The following TAF1B variants were observed in gnomAD, a reference collection of about 807,000 sequenced individuals.
TAF1B encodes the protein TATA-box binding protein associated factor, RNA polymerase I subunit B.
A neutral mutation model predicts 83.9 loss-of-function variants in TAF1B; 61 were observed. The observed-to-expected ratio is 0.73, with a 90% CI of 0.59 to 0.90. TAF1B has a LOEUF of 0.90. Ranked by LOEUF, TAF1B falls within the 40% of genes least tolerant of loss-of-function variation. TAF1B has a pLI of 0.00. For synonymous variants in TAF1B, 221 were observed against 224.6 expected (o/e 0.98, Z 0.14); for missense variants, 625 against 677.0 (o/e 0.92, Z 0.85).
At chr2:9,849,586 C>T (rs990733714) in intron 3 of TAF1B, 126 bp downstream of exon 3, 1 of 595,808 alleles carries the variant, frequency 1.7e-6, no homozygotes, top group Non-Finnish European at 2.8e-6. Context: ...TACTGGCATA[C>T]GTTCTTCTAT....
At chr2:9,854,558 C>T in intron 5 of TAF1B, 137 bp downstream of exon 5, 3 of 635,586 alleles carry the variant, frequency 4.7e-6, no homozygotes, top group Non-Finnish European at 8.3e-6. Flanking sequence ...GCTTCTGTTA[C>T]AGTCTAGAGG....
chr2:9,882,226 G>T (rs1182132394), intron 7 of TAF1B, among the ~76,000 whole-genome samples: 1 of 151,886 alleles, frequency 6.6e-6, no homozygotes, highest in African/African-American at 2.4e-5. Context: ...TTAGCCTCCC[G>T]AGTAACTGGG....
intron 9 of TAF1B, among the ~76,000 whole-genome samples, chr2:9,906,191 G>T (rs1013920343): frequency 6.6e-6 from 1 of 152,186 alleles, no homozygotes; most frequent in Non-Finnish European, 1.5e-5. Context: ...GATGCAGCCT[G>T]GTTAATAGCA....
chr2:9,880,952 AACTT>A (rs2125153729), intron 7 of TAF1B, among the ~76,000 whole-genome samples: 1 of 152,314 alleles, frequency 6.6e-6, no homozygotes, highest in South Asian at 2.1e-4. Flanking sequence ...TACTAATAAA[AACTT>A]AGCTGGGGAA....
At chr2:9,843,992 C>T (rs972570901) in intron 1 of TAF1B, among the ~76,000 whole-genome samples, 12 of 152,212 alleles carry the variant, frequency 7.9e-5, no homozygotes, top group South Asian at 6.2e-4. Context: ...TTGCCACTGT[C>T]TCCAGCAGGG....
At chr2:9,893,705 T>C (rs1042892151) in intron 8 of TAF1B, among the ~76,000 whole-genome samples, 7 of 151,914 alleles carry the variant, frequency 4.6e-5, no homozygotes, top group African/African-American at 1.7e-4. Flanking sequence ...TAATCATAAC[T>C]TTAAAAAAAA....
intron 5 of TAF1B, among the ~76,000 whole-genome samples, chr2:9,863,708 C>G (rs1663858754): frequency 1.3e-5 from 2 of 152,198 alleles, no homozygotes; most frequent in South Asian, 4.1e-4. Context: ...TAAAGCACTC[C>G]TTAGCAAATG....
chr2:9,917,888 C>T (rs867325957), intron 12 of TAF1B, among the ~76,000 whole-genome samples: 4 of 151,574 alleles, frequency 2.6e-5, no homozygotes, highest in Non-Finnish European at 5.9e-5. Flanking sequence ...CCGGCTAAAA[C>T]GGTGAAACCC....
intron 5 of TAF1B, among the ~76,000 whole-genome samples, chr2:9,860,731 C>T (rs1455719842): frequency 6.6e-6 from 1 of 152,090 alleles, no homozygotes; most frequent in East Asian, 1.9e-4. Context: ...AAGAAGAGGG[C>T]AGTGATCAGC....
intron 7 of TAF1B, 60 bp from the exon 8 acceptor site, chr2:9,882,646 A>G (rs1030208089): frequency 8.1e-6 from 9 of 1,110,774 alleles, no homozygotes; most frequent in East Asian, 2.6e-5. Flanking sequence ...TTCTTAAAGC[A>G]TTTACTCTGC....
At chr2:9,923,573 G>T (rs570708983) in intron 14 of TAF1B, among the ~76,000 whole-genome samples, 3 of 152,128 alleles carry the variant, frequency 2.0e-5, no homozygotes, top group African/African-American at 7.2e-5. Context: ...CAGCTACTTG[G>T]TAGGCTGAGG....
At chr2:9,845,423 C>G (rs1335237830) in intron 2 of TAF1B, 105 bp downstream of exon 2, 5 of 807,164 alleles carry the variant, frequency 6.2e-6, no homozygotes, top group Non-Finnish European at 1.0e-5. Context: ...TTTTGTCACT[C>G]ATGCAATGCC....
chr2:9,877,085 G>A lies in TAF1B; in HGVS notation c.707+1067G>A, dbSNP rs1189201046. ...CTACAAGCAGATAGCCCATGATTCAGTGAATTTTACTATTAATTTAAAAAC... is the reference window on the plus strand; with the variant it reads ...CTACAAGCAGATAGCCCATGATTCAATGAATTTTACTATTAATTTAAAAAC... On this transcript the variant is annotated intron_variant, in intron 7 of 14. Coordinates refer to ENST00000263663, the MANE Select transcript of TAF1B (RefSeq NM_005680.3). Among the ~76,000 whole-genome samples, 3 of 152,296 alleles carry A rather than the reference G, an allele frequency of 2.0e-5. No individual in the cohort carries two copies. The South Asian group carries it at 6.2e-4, about 32-fold the overall frequency.
rs147156611 is a variant in TAF1B at position 9,919,760 on chromosome 2, G to T, written c.1505G>T (p.Gly502Val). The T allele has an allele frequency of 3.7e-5, 59 of 1,614,138 alleles. No homozygotes were observed. In the African/African-American group the frequency reaches 7.2e-4, roughly 20 times the overall value. Reference protein sequence around the residue: ...HSLQGVLKEKGQSLLTKNSLY... With the variant: ...HSLQGVLKEKVQSLLTKNSLY... ...CTTCAGGGAGTCCTGAAAGAGAAAG[G>T]CCAATCACTGCTGACTAAGAATTCA... Residue 502 changes from glycine (G) to valine (V), a missense_variant, in exon 14 of 15, where the codon GGC becomes GTC. By Grantham distance (109) the Gly-to-Val change is moderately radical. Transcript: ENST00000263663.
chr2:9,844,225 A>C (rs1572204529), intron 1 of TAF1B: 1 of 151,326 alleles, frequency 6.6e-6, no homozygotes, highest in Non-Finnish European at 1.5e-5. Context: ...ATCACGGCTC[A>C]CTGCAGCCTC....
intron 7 of TAF1B, among the ~76,000 whole-genome samples, chr2:9,877,282 C>G (rs568518922): frequency 6.6e-6 from 1 of 152,170 alleles, no homozygotes; most frequent in Non-Finnish European, 1.5e-5. Context: ...ACTTAGATGT[C>G]TTTATGGTAT....
chr2:9,870,560 T>C (rs535864997), intron 6 of TAF1B, among the ~76,000 whole-genome samples: 1 of 152,242 alleles, frequency 6.6e-6, no homozygotes, highest in Non-Finnish European at 1.5e-5. Context: ...TCAACTCTTT[T>C]GTGACTTTCA....
intron 7 of TAF1B, among the ~76,000 whole-genome samples, chr2:9,878,078 C>T (rs1664378210): frequency 6.6e-6 from 1 of 152,156 alleles, no homozygotes; most frequent in Non-Finnish European, 1.5e-5. Flanking sequence ...ATGTGGCCTC[C>T]TGACTTACAG....
intron 13 of TAF1B, among the ~76,000 whole-genome samples, chr2:9,919,358 AT>A (rs1389524481): frequency 6.6e-6 from 1 of 152,170 alleles, no homozygotes; most frequent in Non-Finnish European, 1.5e-5. Flanking sequence ...AATCGTTATG[AT>A]TTTGGAAATT....
Sources: allele counts gnomAD v4.1 joint callset (sites outside exome capture counted in the v4.1 genomes callset), GRCh38; gene constraint gnomAD v4.1.1; transcripts MANE v1.5; gene names NCBI Gene and HGNC (gene_info 2026-07-23, HGNC 2026-07-21).